Variants in MYT1L observed in about 807,000 individuals in gnomAD.
MYT1L encodes myelin transcription factor 1-like protein.
In MYT1L, 12 loss-of-function variants were observed where a neutral mutation model predicts 126.7. The ratio of observed to expected loss-of-function variants is 0.09; its 90% CI spans 0.06 to 0.15. The LOEUF is 0.15. MYT1L is among the 10% of genes least tolerant of loss of function. The pLI, the probability that MYT1L is intolerant of heterozygous loss-of-function variation, is 1.00. For synonymous variants in MYT1L, 541 were observed against 604.2 expected (o/e 0.90, Z 1.53); for missense variants, 979 against 1,585.2 (o/e 0.62, Z 6.49).
chr2:2,192,664 T>C (rs2092647982), intron 2 of MYT1L, among the ~76,000 whole-genome samples: 2 of 152,158 alleles, frequency 1.3e-5, no homozygotes, highest in African/African-American at 4.8e-5. Context: ...CAAATTTGAA[T>C]TGATCCTAGC....
At chr2:2,204,629 T>A (rs1223688133) in intron 2 of MYT1L, among the ~76,000 whole-genome samples, 80 of 148,954 alleles carry the variant, frequency 5.4e-4, no homozygotes, top group Middle Eastern at 3.4e-3. Flanking sequence ...CTGGAGAGGA[T>A]GTGGAGAAAT....
chr2:1,996,732 A>G (rs1345951126), intron 5 of MYT1L, among the ~76,000 whole-genome samples: 63 of 71,346 alleles, frequency 8.8e-4, no homozygotes, highest in Middle Eastern at 0.016. Context: ...AGTGAGGGCC[A>G]CCCTACCTCA....
In MYT1L at chr2:2,041,147, AT is replaced by A; in HGVS notation, c.-158+12830del. On this transcript the variant is annotated intron_variant, in intron 4 of 24. Transcript: ENST00000647738. ...AAAATATATTACTGGTGCATTAATA[AT>A]TTTGCTTGAGGTAACTTGAACTTTT... 2.0e-5 allele frequency among the ~76,000 whole-genome samples: 3 copies of A among 152,350 alleles called. 1 individual carries two copies. Among genetic ancestry groups the A allele is most frequent in the Admixed American group, 2.0e-4 (3 of 15,302 alleles).
intron 2 of MYT1L, among the ~76,000 whole-genome samples, chr2:2,194,120 C>T (rs1291168440): frequency 1.3e-5 from 2 of 151,818 alleles, no homozygotes; most frequent in Non-Finnish European, 2.9e-5. Context: ...CACTCTGTCC[C>T]CCAGGCTGAA....
At chr2:2,214,876 T>C (rs530219801) in intron 2 of MYT1L, among the ~76,000 whole-genome samples, 2 of 152,238 alleles carry the variant, frequency 1.3e-5, no homozygotes, top group East Asian at 3.9e-4. Flanking sequence ...AAAATAATAA[T>C]GTAGTGTGTC....
intron 23 of MYT1L, among the ~76,000 whole-genome samples, chr2:1,799,292 A>AG (rs1387339610): frequency 6.6e-6 from 1 of 152,182 alleles, no homozygotes; most frequent in Admixed American, 6.5e-5. Context: ...GTGTTTCCTG[A>AG]GGGGGAGGCC....
chr2:1,910,395 A>G lies in MYT1L; in HGVS notation c.1710-48T>C. On this transcript the variant is annotated intron_variant, in intron 12 of 24. Transcript: ENST00000647738. This position sits in a 1 kb window ranked among gnomAD's most constrained non-coding sequence, Gnocchi z 4.8. ...GAATGGTCCCGCCTCAAACACCTTC[A>G]CAGCACACTAATCCTCCCTTAGCAC... The G allele has an allele frequency of 6.6e-7, 1 of 1,504,384 alleles. No homozygotes were observed. Among genetic ancestry groups the G allele is most frequent in the East Asian group, 2.3e-5 (1 of 44,386 alleles). The allele number at this position is 1,504,384 out of a possible 1,614,324, so 93.2% of individuals were successfully genotyped here.
At chr2:1,951,311 G>T (rs1429601205) in intron 8 of MYT1L, among the ~76,000 whole-genome samples, 1 of 152,044 alleles carries the variant, frequency 6.6e-6, no homozygotes, top group African/African-American at 2.4e-5. Flanking sequence ...GGGACACAGG[G>T]GTTTGGGGAC....
At chr2:1,980,064 C>T (rs1485085171) in intron 5 of MYT1L, among the ~76,000 whole-genome samples, 5 of 151,824 alleles carry the variant, frequency 3.3e-5, no homozygotes, top group Non-Finnish European at 7.4e-5. Flanking sequence ...TATTTACTCT[C>T]TTTTCAAGAA....
intron 2 of MYT1L, among the ~76,000 whole-genome samples, chr2:2,253,237 T>A (rs181409468): frequency 1.4e-4 from 21 of 152,354 alleles, no homozygotes; most frequent in Admixed American, 1.2e-3. Flanking sequence ...CCATTCCAGC[T>A]GCAGCTTTTG....
At position 1,912,165 on chromosome 2, in the gene MYT1L, G is replaced by T; in HGVS notation, c.1619-55C>A. 1 of 1,301,036 alleles carries T rather than the reference G, an allele frequency of 7.7e-7. No homozygotes were observed. The highest frequency in any genetic ancestry group is 1.1e-6 in the Non-Finnish European group (1 of 939,536). 80.6% of individuals were successfully genotyped at this position (1,301,036 alleles called of 1,614,324 possible). On this transcript the variant is annotated intron_variant, in intron 11 of 24. Coordinates refer to ENST00000647738, the MANE Select transcript of MYT1L (RefSeq NM_001303052.2). The surrounding 1 kb of genome is among the most constrained non-coding windows in gnomAD (Gnocchi z 4.3). ...AGTGTTAAAACAGAGGCACGGTTAGGGCACATGAAAATGCAGTCATTTAAC... is the reference window on the plus strand; with the variant it reads ...AGTGTTAAAACAGAGGCACGGTTAGTGCACATGAAAATGCAGTCATTTAAC...
Position 2,139,285 on chromosome 2 carries a change from G to A in MYT1L, c.-304+33587C>T, listed in dbSNP as rs767475286. Among the ~76,000 whole-genome samples the A allele has an allele frequency of 8.4e-4, 128 of 152,170 alleles. 1 individual carries two copies. Among genetic ancestry groups the A allele is most frequent in the Non-Finnish European group, 9.4e-4 (64 of 68,026 alleles). On this transcript the variant is annotated intron_variant, in intron 3 of 24. Transcript: ENST00000647738. ...AAATTTCATCTTCTTTATTTAAACT[G>A]TAGCTGCCAGAGTGAAGAATGCAGG...
rs140048096 is a variant in MYT1L at position 2,117,305 on chromosome 2, T to C, written c.-304+55567A>G. ...TGAATAAAATGCAGTAGTAAGGATT[T>C]GTGAAAAATAAACCAGAGAAAATGT... is the stretch of plus-strand genomic sequence containing the variant. On this transcript the variant is annotated intron_variant, in intron 3 of 24. Coordinates refer to ENST00000647738, the MANE Select transcript of MYT1L (RefSeq NM_001303052.2). Among the ~76,000 whole-genome samples, 1,103 of 152,288 alleles carry C rather than the reference T, an allele frequency of 7.2e-3. 14 individuals carry two copies. The highest frequency in any genetic ancestry group is 0.025 in the African/African-American group (1,041 of 41,560).
At chr2:2,260,357 C>T (rs963716376) in intron 2 of MYT1L, among the ~76,000 whole-genome samples, 3 of 152,284 alleles carry the variant, frequency 2.0e-5, no homozygotes, top group South Asian at 2.1e-4. Flanking sequence ...ATACAGACTT[C>T]GTGCCTATTA....
rs369269495 is a variant in MYT1L, at chr2:1,992,942, C to T, written c.-1+4249G>A. On this transcript the variant is annotated intron_variant, in intron 5 of 24. Transcript: ENST00000647738. ...ATGGATCAGCTGGCACCACCCGGAT[C>T]AATAAACTGGCTCATCTGATCTTAT... 2.0e-5 allele frequency among the ~76,000 whole-genome samples: 3 copies of T among 152,166 alleles called. No homozygotes were observed. In the East Asian group the frequency reaches 5.8e-4, roughly 29 times the overall value.
intron 4 of MYT1L, among the ~76,000 whole-genome samples, chr2:2,004,004 T>A (rs954179611): frequency 1.1e-4 from 15 of 135,906 alleles, no homozygotes; most frequent in Non-Finnish European, 2.0e-4. Context: ...CTTTCCTGCA[T>A]GCCTTCTTTC....
intron 5 of MYT1L, among the ~76,000 whole-genome samples, chr2:1,981,332 A>G (rs1302328446): frequency 6.6e-6 from 1 of 152,238 alleles, no homozygotes; most frequent in African/African-American, 2.4e-5. Context: ...TAATACCAAA[A>G]CAAAAACTTC....
chr2:2,202,257 G>A (rs192742137), intron 2 of MYT1L, among the ~76,000 whole-genome samples: 3,605 of 152,138 alleles, frequency 0.024, 141 homozygotes, highest in African/African-American at 0.083. Context: ...CAGAAGGCAA[G>A]AAATAACTAA....
chr2:2,256,661 G>A (rs982720445), intron 2 of MYT1L, among the ~76,000 whole-genome samples: 1 of 152,208 alleles, frequency 6.6e-6, no homozygotes, highest in African/African-American at 2.4e-5. Flanking sequence ...AGGACAATAA[G>A]CAGCATTTGG....
Sources: allele counts gnomAD v4.1 joint callset (sites outside exome capture counted in the v4.1 genomes callset), GRCh38; gene constraint gnomAD v4.1.1; non-coding constraint Gnocchi (gnomAD v3.1); transcripts MANE v1.5; gene names NCBI Gene and HGNC (gene_info 2026-07-23, HGNC 2026-07-21).